The following FGF14 variants were observed in gnomAD, a reference collection of about 807,000 sequenced individuals.
FGF14 encodes the protein fibroblast growth factor 14, also known as fibroblast growth factor homologous factor 4.
Under a neutral mutation model 25.5 loss-of-function variants are expected in FGF14, and 5 were observed. That is an observed-to-expected ratio of 0.20 (90% CI 0.10 to 0.41). The LOEUF is 0.41. FGF14 is among the 10% of genes least tolerant of loss of function. The pLI is 1.00. For missense variants in FGF14, 222 were observed against 320.1 expected, an observed-to-expected ratio of 0.69 and a Z score of 2.34; for synonymous variants, 138 against 118.3, an observed-to-expected ratio of 1.17 and a Z score of -1.08.
intron 1 of FGF14, among the ~76,000 whole-genome samples, chr13:102,318,449 C>CT (rs148673735): frequency 0.03 from 4,560 of 152,266 alleles, 83 homozygotes; most frequent in South Asian, 0.048. Context: ...GGCTGGAAGT[C>CT]TGAGATCAAG....
In FGF14 at chr13:101,722,901, G is replaced by A. The variant is rs1387475378; in HGVS notation, c.674C>T (p.Pro225Leu). ...TGCAGACGCACTTGTGCTTTTACTTGGCGTCACCCCAGGCTTCGGGACCGT... is the reference window on the plus strand; with the variant it reads ...TGCAGACGCACTTGTGCTTTTACTTAGCGTCACCCCAGGCTTCGGGACCGT... ...GETVPKPGVT[P>L]SKSTSASAIM... Residue 225 changes from proline to leucine, a missense_variant, in exon 5 of 5, where the codon CCA (proline) becomes CTA (leucine). Pro to Leu is a moderately conservative substitution (Grantham distance 98, BLOSUM62 -3). This residue lies in a region of FGF14 where 66 missense variants were observed against 90.3 expected (regional missense o/e 0.73). Transcript: ENST00000376143. The A allele has an allele frequency of 6.2e-7, 1 of 1,613,154 alleles. No homozygotes were observed. Among genetic ancestry groups the A allele is most frequent in the East Asian group, 2.2e-5 (1 of 44,840 alleles).
At chr13:102,278,730 T>C (rs916202002) in intron 1 of FGF14, among the ~76,000 whole-genome samples, 3 of 152,028 alleles carry the variant, frequency 2.0e-5, no homozygotes, top group African/African-American at 4.8e-5. Flanking sequence ...TCTGCTATCA[T>C]AACGCTCATT....
At chr13:102,386,872 C>G (rs2058316786) in intron 1 of FGF14, among the ~76,000 whole-genome samples, 1 of 152,234 alleles carries the variant, frequency 6.6e-6, no homozygotes, top group Non-Finnish European at 1.5e-5. Flanking sequence ...GTGCAGCTGT[C>G]TATTGCATTC....
intron 1 of FGF14, among the ~76,000 whole-genome samples, chr13:102,114,354 G>A (rs760316040): frequency 7.9e-5 from 12 of 152,224 alleles, no homozygotes; most frequent in East Asian, 5.8e-4. Flanking sequence ...CTCCCATACC[G>A]TATGATGCCT....
intron 1 of FGF14, among the ~76,000 whole-genome samples, chr13:102,047,140 TAAGAG>T (rs920671495): frequency 1.3e-5 from 2 of 152,144 alleles, no homozygotes; most frequent in African/African-American, 4.8e-5. Context: ...GTAGCCTAGA[TAAGAG>T]AACAAAATAT....
chr13:102,006,890 G>A (rs1444528695), intron 1 of FGF14, among the ~76,000 whole-genome samples: 7 of 150,566 alleles, frequency 4.6e-5, no homozygotes, highest in African/African-American at 1.2e-4. Context: ...GACTACAGGC[G>A]CCCGCCACCG....
intron 3 of FGF14, among the ~76,000 whole-genome samples, chr13:101,851,936 C>T (rs1224583217): frequency 6.6e-6 from 1 of 152,062 alleles, no homozygotes; most frequent in African/African-American, 2.4e-5. Context: ...GAAGTAGCCT[C>T]CTATGGTCAC....
intron 1 of FGF14, among the ~76,000 whole-genome samples, chr13:102,242,151 CTG>C (rs1217986543): frequency 2.0e-5 from 3 of 152,094 alleles, no homozygotes; most frequent in Admixed American, 2.0e-4. Flanking sequence ...TATTTGTAAA[CTG>C]TATGAATAAG....
At chr13:101,882,070 C>CT (rs143075587) in intron 1 of FGF14, among the ~76,000 whole-genome samples, 4,478 of 151,784 alleles carry the variant, frequency 0.03, 65 homozygotes, top group Non-Finnish European at 0.038. Context: ...AAATACTATT[C>CT]TTTTTTTAAC....
At chr13:102,244,374 T>C (rs2141040634) in intron 1 of FGF14, among the ~76,000 whole-genome samples, 1 of 151,954 alleles carries the variant, frequency 6.6e-6, no homozygotes, top group East Asian at 1.9e-4. Flanking sequence ...CCACATCCTC[T>C]CTGGTTTCCT....
rs1444757175 is a variant in FGF14 at position 101,935,028 on chromosome 13, GCTCA to G, written c.209-59736_209-59733del. Among the ~76,000 whole-genome samples the G allele has an allele frequency of 7.2e-5, 11 of 152,174 alleles. No individual in the cohort carries two copies. In the East Asian group the frequency reaches 2.1e-3, roughly 29 times the overall value. ...TTTCATCTTGCATAACTTGTTTTAG[GCTCA>G]CTGAGATACAAAAGGAGATTGTGGA... On this transcript the variant is annotated intron_variant, in intron 1 of 4. Transcript: ENST00000376131.
chr13:101,850,334 G>A (rs919948195), intron 3 of FGF14, among the ~76,000 whole-genome samples: 11 of 142,606 alleles, frequency 7.7e-5, no homozygotes, highest in African/African-American at 2.8e-4. Flanking sequence ...GGCGCCTGTT[G>A]TCCCAGCTCC....
chr13:101,940,981 G>A (rs2035412980), intron 1 of FGF14, among the ~76,000 whole-genome samples: 2 of 152,066 alleles, frequency 1.3e-5, no homozygotes, highest in East Asian at 1.9e-4. Context: ...GTCTTTTGGG[G>A]ACATCTCTAA....
At chr13:102,042,965 G>A (rs2041813089) in intron 1 of FGF14, among the ~76,000 whole-genome samples, 2 of 152,164 alleles carry the variant, frequency 1.3e-5, no homozygotes, top group South Asian at 2.1e-4. Flanking sequence ...TCAGACATTT[G>A]TGCCAAGAGA....
In FGF14 at chr13:102,149,141, CATTA is replaced by C. The variant is rs566449278; in HGVS notation, c.208+252326_208+252329del. The stretch of plus-strand genomic sequence containing the variant: ...AACAGAAATATCTAAGGCAGCATGT[CATTA>C]ATTAAAGTAATATGAATAATTAAAA... On this transcript the variant is annotated intron_variant, in intron 1 of 4. Coordinates refer to the FGF14 transcript ENST00000376131. Among the ~76,000 whole-genome samples the C allele has an allele frequency of 1.8e-3, 278 of 151,880 alleles. 1 individual carries two copies. The highest frequency in any genetic ancestry group is 6.3e-3 in the African/African-American group (262 of 41,442).
At chr13:102,352,854 A>C (rs538635737) in intron 1 of FGF14, among the ~76,000 whole-genome samples, 15 of 152,090 alleles carry the variant, frequency 9.9e-5, no homozygotes, top group Middle Eastern at 3.4e-3. Context: ...AGTTAGCCAG[A>C]AAACAATTTG....
rs990679523 is a variant in FGF14, at chr13:101,719,353, C to T, written c.*3478G>A. The T allele has an allele frequency of 5.9e-5, 9 of 152,086 alleles. No homozygotes were observed. Among genetic ancestry groups the T allele is most frequent in the South Asian group, 2.1e-4 (1 of 4,822 alleles). 9.4% of individuals were successfully genotyped at this position (152,086 alleles called of 1,614,324 possible). On this transcript the variant is annotated 3_prime_UTR_variant, in exon 5 of 5. Coordinates refer to ENST00000376143, the MANE Select transcript of FGF14 (RefSeq NM_004115.4). ...AGGCAAACTATTAGAAGAACTGGAG[C>T]GGGAGTCCTTTGGACCCATCGTGGA...
At chr13:101,952,542 A>T (rs1370143673) in intron 1 of FGF14, among the ~76,000 whole-genome samples, 2 of 152,180 alleles carry the variant, frequency 1.3e-5, no homozygotes, top group Non-Finnish European at 2.9e-5. Context: ...ATTGGCAAAA[A>T]TAACTTTCCT....
chr13:101,824,229 T>G (rs2042296912), intron 3 of FGF14, among the ~76,000 whole-genome samples: 1 of 152,200 alleles, frequency 6.6e-6, no homozygotes, highest in African/African-American at 2.4e-5. Context: ...CAGCTTAAAT[T>G]TTATTGTTCA....
Sources: allele counts gnomAD v4.1 joint callset (sites outside exome capture counted in the v4.1 genomes callset), GRCh38; gene constraint gnomAD v4.1.1; regional missense constraint gnomAD v4.1.1; transcripts MANE v1.5; gene names NCBI Gene and HGNC (gene_info 2026-07-23, HGNC 2026-07-21).